MYOF: variants seen among roughly 807,000 people sequenced by gnomAD.
MYOF encodes the protein fer-1-like 3, myoferlin.
In MYOF, 244 loss-of-function variants were observed where a neutral mutation model predicts 284.2. The ratio of observed to expected loss-of-function variants is 0.86; its 90% CI spans 0.77 to 0.95. The LOEUF (loss-of-function observed/expected upper bound fraction) is 0.95, where lower values mean the gene tolerates loss of function less well. Ranked by LOEUF, MYOF falls within the 40% of genes least tolerant of loss-of-function variation. MYOF has a pLI of 0.00. For synonymous variants in MYOF, 904 were observed against 919.7 expected, an observed-to-expected ratio of 0.98 and a Z score of 0.31; for missense variants, 2,496 against 2,560.6, an observed-to-expected ratio of 0.97 and a Z score of 0.54.
intron 35 of MYOF, 98 bp from the exon 36 acceptor site, chr10:93,350,067 A>C: frequency 8.1e-7 from 1 of 1,233,554 alleles, no homozygotes; most frequent in Non-Finnish European, 1.1e-6. Context: ...AAAGTCTTTA[A>C]GATTAATTTG....
intron 3 of MYOF, among the ~76,000 whole-genome samples, chr10:93,441,996 G>GC (rs2056276985): frequency 1.5e-5 from 1 of 66,442 alleles, no homozygotes; most frequent in African/African-American, 5.9e-5. Context: ...CCCTCAACCT[G>GC]AACACACACA....
chr10:93,328,786 C>T lies in MYOF; in HGVS notation c.5108G>A (p.Arg1703Gln), dbSNP rs910330432. ...ACCAAATTCATCCAAGCTGTAGTCT[C>T]GTCCTCCATATCTGATTCTACTCCC... is the stretch of plus-strand genomic sequence containing the variant. ...EDGSRIRYGG[R>Q]DYSLDEFEAN... Residue 1703 changes from arginine to glutamine, a missense_variant, in exon 45 of 54, where the codon CGA becomes CAA. Physicochemically the swap from Arg to Gln is conservative, Grantham distance 43 (BLOSUM62 1). Coordinates refer to ENST00000359263, the MANE Select transcript of MYOF (RefSeq NM_013451.4). 4 of 1,612,902 alleles carry T rather than the reference C, an allele frequency of 2.5e-6. No individual in the cohort carries two copies. Among genetic ancestry groups the T allele is most frequent in the African/African-American group, 2.7e-5 (2 of 74,922 alleles).
Position 93,402,437 on chromosome 10 carries a change from T to C in MYOF, c.875-90A>G, listed in dbSNP as rs1312034072. 4 of 1,058,980 alleles carry C rather than the reference T, an allele frequency of 3.8e-6. No individual in the cohort carries two copies. In the Admixed American group the frequency reaches 7.5e-5, roughly 20 times the overall value. 65.6% of individuals were successfully genotyped at this position (1,058,980 alleles called of 1,614,324 possible). A position where few individuals can be genotyped will look rare whatever the true frequency, so the allele number is the denominator to read the frequency against. On this transcript the variant is annotated intron_variant, in intron 10 of 53. Transcript: ENST00000359263. ...CTCTGCCATAAGATAAGCTGCATTT[T>C]CTTGGAAGCCTCTTCACGACACACC...
intron 1 of MYOF, among the ~76,000 whole-genome samples, chr10:93,481,240 AC>A (rs1313476314): frequency 6.6e-6 from 1 of 152,034 alleles, no homozygotes; most frequent in African/African-American, 2.4e-5. Flanking sequence ...TTATTTTTAC[AC>A]CCAGGCTGGA....
Position 93,351,581 on chromosome 10 carries a change from C to T in MYOF, c.3664-10G>A, listed in dbSNP as rs376500303. 5.8e-5 allele frequency: 94 copies of T among 1,612,986 alleles called. 1 individual carries two copies. The highest frequency in any genetic ancestry group is 5.2e-4 in the Admixed American group (31 of 59,836). ...AAAATTCATCTTTGCCCTAGAGAAACAAAGTGATCCTTAAATTCCCCGACA... is the reference window on the plus strand; with the variant it reads ...AAAATTCATCTTTGCCCTAGAGAAATAAAGTGATCCTTAAATTCCCCGACA... On this transcript the variant is annotated splice_polypyrimidine_tract_variant and intron_variant, in intron 33 of 53. Transcript: ENST00000359263.
intron 1 of MYOF, 101 bp from the exon 2 acceptor site, chr10:93,457,038 C>T: frequency 1.3e-6 from 1 of 776,324 alleles, no homozygotes; most frequent in East Asian, 2.5e-5. Flanking sequence ...GGTCTACTTG[C>T]ACCCACATCT....
At chr10:93,388,351 A>C (rs1361644217) in intron 18 of MYOF, among the ~76,000 whole-genome samples, 3 of 152,198 alleles carry the variant, frequency 2.0e-5, no homozygotes, top group African/African-American at 7.2e-5. Context: ...CCATGCTGGC[A>C]ACCAGGGCAA....
intron 10 of MYOF, 44 bp from the exon 11 acceptor site, chr10:93,402,391 G>T (rs775703837): frequency 2.8e-6 from 4 of 1,441,204 alleles, no homozygotes; most frequent in Non-Finnish European, 3.9e-6. Flanking sequence ...TGCTAAAAAG[G>T]TACTGATAAG....
chr10:93,439,504 T>A (rs914415470), intron 3 of MYOF, among the ~76,000 whole-genome samples: 1 of 152,226 alleles, frequency 6.6e-6, no homozygotes, highest in Non-Finnish European at 1.5e-5. Flanking sequence ...ATTTATTCAC[T>A]CTTTCATGAA....
chr10:93,386,963 A>T (rs556238005), intron 19 of MYOF, among the ~76,000 whole-genome samples: 2 of 152,274 alleles, frequency 1.3e-5, no homozygotes, highest in South Asian at 4.1e-4. Context: ...CAGTCCTGCC[A>T]CAAGGAGACA....
At chr10:93,396,028 T>A (rs908806149) in intron 16 of MYOF, 114 bp downstream of exon 16, 1 of 687,890 alleles carries the variant, frequency 1.5e-6, no homozygotes, top group Non-Finnish European at 2.5e-6. Flanking sequence ...GTTCATCACA[T>A]TTGGCTTCTA....
At chr10:93,362,768 C>A (rs555206638) in intron 27 of MYOF, among the ~76,000 whole-genome samples, 1 of 152,156 alleles carries the variant, frequency 6.6e-6, no homozygotes, top group East Asian at 1.9e-4. Context: ...AACAGGATAC[C>A]ACTTATTCAT....
Position 93,349,856 on chromosome 10 carries a change from GT to G in MYOF, c.4034del (p.Asn1345ThrfsTer15), listed in dbSNP as rs1844417818. 6.2e-7 allele frequency: 1 copy of G among 1,613,876 alleles called. No homozygotes were observed. Among genetic ancestry groups the G allele is most frequent in the African/African-American group, 1.3e-5 (1 of 74,834 alleles). ...GERVESVVIK[N>X]LKKTPNFPSS... ...TTGGAAAGTTGGGTGTCTTCTTAAG[GT>G]TTTTGATCACCACCGATTCCACCCT... On this transcript the variant is annotated frameshift_variant, in exon 36 of 54. Transcript: ENST00000359263. LOFTEE classifies it high-confidence loss of function.
chr10:93,308,310 T>C (rs1589364477), intron 53 of MYOF, among the ~76,000 whole-genome samples: 2 of 151,192 alleles, frequency 1.3e-5, no homozygotes, highest in South Asian at 2.1e-4. Flanking sequence ...TGGGACCGAA[T>C]GTGGTGGTTC....
rs773701879 is a variant in MYOF, at chr10:93,366,484, A to G, written c.2661T>C (p.Asp887=). The change falls in exon 26 of 54, where the codon GAT becomes GAC. Residue 887 remains aspartate (D), a synonymous_variant. Transcript: ENST00000359263. ...SGLVGRHKFS[D]VTGKIKLKRE... ...TCTTGAGTTTTATTTTTCCTGTGAC[A>G]TCAGAAAACTTATGACGTCCTACTA... 1.2e-6 allele frequency: 2 copies of G among 1,613,844 alleles called. No homozygotes were observed. Among genetic ancestry groups the G allele is most frequent in the Non-Finnish European group, 1.7e-6 (2 of 1,179,910 alleles).
intron 5 of MYOF, among the ~76,000 whole-genome samples, chr10:93,411,143 T>C (rs1167671702): frequency 1.3e-5 from 2 of 152,260 alleles, no homozygotes; most frequent in Non-Finnish European, 2.9e-5. Context: ...TTTTTTAGTT[T>C]TGCTGTGTAA....
chr10:93,434,342 G>T (rs943437090), intron 3 of MYOF, among the ~76,000 whole-genome samples: 1 of 149,764 alleles, frequency 6.7e-6, no homozygotes, highest in Admixed American at 6.7e-5. Flanking sequence ...TGAGGCAGGA[G>T]AATCACTTGA....
At chr10:93,307,580 G>A (rs533730866) in intron 53 of MYOF, among the ~76,000 whole-genome samples, 8 of 151,652 alleles carry the variant, frequency 5.3e-5, no homozygotes, top group Admixed American at 4.6e-4. Context: ...GATTACAGGC[G>A]TGAGCCACCA....
At chr10:93,469,547 C>CT (rs1006901203) in intron 1 of MYOF, among the ~76,000 whole-genome samples, 8 of 152,348 alleles carry the variant, frequency 5.3e-5, no homozygotes, top group African/African-American at 1.9e-4. Context: ...GACAAGGCCT[C>CT]TGAGACCAGA....
Sources: allele counts gnomAD v4.1 joint callset (sites outside exome capture counted in the v4.1 genomes callset), GRCh38; gene constraint gnomAD v4.1.1; transcripts MANE v1.5; gene names NCBI Gene and HGNC (gene_info 2026-07-23, HGNC 2026-07-21).